PNKP: variants seen among roughly 807,000 people sequenced by gnomAD.
PNKP encodes bifunctional polynucleotide phosphatase/kinase.
A neutral mutation model predicts 66.2 loss-of-function variants in PNKP; 82 were observed. The observed-to-expected ratio is 1.24, with a 90% CI of 1.04 to 1.49. PNKP has a LOEUF of 1.49. Ranked by LOEUF, PNKP falls within the 40% of genes most tolerant of loss-of-function variation. The pLI is 0.00. For missense variants in PNKP, 907 were observed against 706.8 expected (o/e 1.28, Z -3.21); for synonymous variants, 412 against 298.9 (o/e 1.38, Z -3.90).
chr19:49,862,046 T>G lies in PNKP; in HGVS notation c.1186A>C (p.Arg396=). Residue 396 remains arginine, a splice_region_variant and synonymous_variant, in exon 13 of 17, where the codon AGG becomes CGG. Transcript: ENST00000322344. ...GGGCGGCAAAAGCCTGGTCATACCCTGTTCACGTGGACATATCCGGCCGAC... is the reference window on the plus strand; with the variant it reads ...GGGCGGCAAAAGCCTGGTCATACCCGGTTCACGTGGACATATCCGGCCGAC... ...LVSAGYVHVN[R]DTLGSWQRCV... 6.2e-7 allele frequency: 1 copy of G among 1,614,114 alleles called. No homozygotes were observed. Among genetic ancestry groups the G allele is most frequent in the Non-Finnish European group, 8.5e-7 (1 of 1,179,982 alleles).
At chr19:49,864,429 A>G in intron 4 of PNKP, 26 bp from the exon 5 acceptor site, 6 of 1,568,896 alleles carry the variant, frequency 3.8e-6, no homozygotes, top group Non-Finnish European at 5.3e-6. Flanking sequence ...AAAGACAAAC[A>G]GCAGCACTGT....
rs2074812109 is a variant in PNKP, at chr19:49,865,511, C to T, written c.199-85G>A. The stretch of plus-strand genomic sequence containing the variant: ...TCAAATACCCAGCGGAAAAATCAGC[C>T]CTTCTCCACCACTATCAGACCCTTA... On this transcript the variant is annotated intron_variant, in intron 3 of 16. Transcript: ENST00000322344. The T allele has an allele frequency of 6.4e-5, 59 of 924,964 alleles. No homozygotes were observed. In the East Asian group the frequency reaches 1.5e-3, roughly 23 times the overall value. 57.3% of individuals were successfully genotyped at this position (924,964 alleles called of 1,614,324 possible). A position where few individuals can be genotyped will look rare whatever the true frequency, so the allele number is the denominator to read the frequency against.
At position 49,862,732 on chromosome 19, in the gene PNKP, C is replaced by G; in HGVS notation, c.823G>C (p.Asp275His). The G allele has an allele frequency of 1.2e-6, 2 of 1,614,090 alleles. No individual in the cohort carries two copies. The highest frequency in any genetic ancestry group is 1.7e-6 in the Non-Finnish European group (2 of 1,179,970). ...MWDHLQEQAN[D>H]GTPISIGDSI... ...TCCCCGATGGATATGGGCGTGCCGTCGTTGGCCTACGGGAGACGGTAGTGA... is the reference window on the plus strand; with the variant it reads ...TCCCCGATGGATATGGGCGTGCCGTGGTTGGCCTACGGGAGACGGTAGTGA... The change falls in exon 9 of 17, where the codon GAC becomes CAC. Residue 275 changes from aspartate (D) to histidine (H), a missense_variant. Coordinates refer to ENST00000322344, the MANE Select transcript of PNKP (RefSeq NM_007254.4).
rs1181939652 is a variant in PNKP, at chr19:49,864,352, C to A, written c.550G>T (p.Val184Phe). 6.2e-7 allele frequency: 1 copy of A among 1,614,090 alleles called. No individual in the cohort carries two copies. The highest frequency in any genetic ancestry group is 2.2e-5 in the East Asian group (1 of 44,892). Residue 184 changes from valine (V) to phenylalanine (F), a missense_variant, in exon 5 of 17, where the codon GTC (valine) becomes TTC (phenylalanine). Transcript: ENST00000322344. Reference sequence around the variant, plus strand: ...CAGTCACTGGGGCCAGTGGGAAAGACCTTCCCAGAGCGTGTGGTGATGAGC... The same window carrying A: ...CAGTCACTGGGGCCAGTGGGAAAGAACTTCCCAGAGCGTGTGGTGATGAGC... Reference protein sequence around the residue: ...GTLITTRSGKVFPTGPSDWRI... With the variant: ...GTLITTRSGKFFPTGPSDWRI...
Position 49,867,237 on chromosome 19 carries a change from G to C in PNKP, c.-13-20C>G. On this transcript the variant is annotated intron_variant, in intron 1 of 16. Coordinates refer to ENST00000322344, the MANE Select transcript of PNKP (RefSeq NM_007254.4). The stretch of plus-strand genomic sequence containing the variant: ...GCCGGCCTGGGGAGCAGGTAAACGG[G>C]CTTGAGCGGCGCACAGCCCCAATTT... 1 of 1,589,886 alleles carries C rather than the reference G, an allele frequency of 6.3e-7. No individual in the cohort carries two copies. The highest frequency in any genetic ancestry group is 2.0e-4 in the Middle Eastern group (1 of 4,894).
intron 1 of PNKP, 89 bp from the exon 2 acceptor site, chr19:49,867,306 C>A: frequency 7.4e-7 from 1 of 1,357,700 alleles, no homozygotes; most frequent in Non-Finnish European, 1.0e-6. Flanking sequence ...TAGAAAGTTT[C>A]CCCACCATTA....
Position 49,863,950 on chromosome 19 carries a change from C to A in PNKP, c.744+14G>T. On this transcript the variant is annotated intron_variant, in intron 7 of 16. Coordinates refer to ENST00000322344, the MANE Select transcript of PNKP (RefSeq NM_007254.4). ...GTGCCCCCACATAGCTCCCAGCCTC[C>A]CTTCCAGCCATACCTGGAAGGGGAC... The A allele has an allele frequency of 6.3e-7, 1 of 1,594,216 alleles. No individual in the cohort carries two copies.
chr19:49,866,896 A>G, intron 2 of PNKP, 158 bp downstream of exon 2: 1 of 798,654 alleles, frequency 1.3e-6, no homozygotes, highest in South Asian at 1.4e-5. Context: ...CTAATTCTAA[A>G]TCAAGCACAA....
chr19:49,861,785 C>T lies in PNKP; in HGVS notation c.1285G>A (p.Ala429Thr), dbSNP rs148386689. The T allele has an allele frequency of 5.1e-6, 8 of 1,565,978 alleles. No homozygotes were observed. The African/African-American group carries it at 5.5e-5, about 11-fold the overall frequency. Residue 429 changes from alanine to threonine, a missense_variant, in exon 14 of 17, where the codon GCG (alanine) becomes ACG (threonine). By Grantham distance (58) the Ala-to-Thr change is moderately conservative (BLOSUM62 0). Transcript: ENST00000322344. ...VAIDNTNPDAASRARYVQCAR... is the reference protein window; with the variant it reads ...VAIDNTNPDATSRARYVQCAR... ...CGGTCACGCTACCTGGCGCGGCTCG[C>T]GGCGTCTGGGTTTGTGTTGTCGATG...
chr19:49,863,174 T>C (rs2074792273), intron 8 of PNKP, among the ~76,000 whole-genome samples: 1 of 152,192 alleles, frequency 6.6e-6, no homozygotes, highest in South Asian at 2.1e-4. Flanking sequence ...CCTTTGCACT[T>C]GCTGTCACTC....
chr19:49,862,002 G>A (rs774790818), intron 13 of PNKP, 42 bp downstream of exon 13: 2 of 1,609,824 alleles, frequency 1.2e-6, no homozygotes, highest in African/African-American at 2.7e-5. Flanking sequence ...GTGGAGATGG[G>A]AACTTTATAA....
chr19:49,866,152 A>G, intron 3 of PNKP: 1 of 533,030 alleles, frequency 1.9e-6, no homozygotes, highest in African/African-American at 1.9e-5. Context: ...AGGAACTACA[A>G]GGACGCGCCA....
At chr19:49,866,554 A>G (rs752608729) in intron 2 of PNKP, 109 bp from the exon 3 acceptor site, 52 of 1,032,594 alleles carry the variant, frequency 5.0e-5, no homozygotes, top group Non-Finnish European at 7.2e-5. Flanking sequence ...AGTAAGAGGC[A>G]GTTTATTTCT....
At chr19:49,863,797 C>T (rs774146240) in intron 7 of PNKP, 37 bp from the exon 8 acceptor site, 57 of 1,531,670 alleles carry the variant, frequency 3.7e-5, no homozygotes, top group South Asian at 6.0e-5. Context: ...TTAGCTCCCC[C>T]TCAAGCACCT....
Position 49,867,078 on chromosome 19 carries a change from C to G in PNKP, c.127G>C (p.Asp43His). Residue 43 changes from aspartate (D) to histidine (H), a missense_variant, in exon 2 of 17, where the codon GAC (aspartate) becomes CAC (histidine). Physicochemically the swap from Asp to His is moderately conservative, Grantham distance 81. Coordinates refer to ENST00000322344, the MANE Select transcript of PNKP (RefSeq NM_007254.4). ...CCTTGAGTTCTGGAGCACTTCCGGTCCGTAACCTGGGTCAGGGGTCCCCTG... is the reference window on the plus strand; with the variant it reads ...CCTTGAGTTCTGGAGCACTTCCGGTGCGTAACCTGGGTCAGGGGTCCCCTG... ...LGRGPLTQVT[D>H]RKCSRTQVEL... 6.2e-7 allele frequency: 1 copy of G among 1,613,972 alleles called. No individual in the cohort carries two copies. Among genetic ancestry groups the G allele is most frequent in the Non-Finnish European group, 8.5e-7 (1 of 1,180,016 alleles).
At position 49,864,083 on chromosome 19, in the gene PNKP, AG is replaced by A. The variant is rs754413273; in HGVS notation, c.637-13del. 62 of 1,612,978 alleles carry A rather than the reference AG, an allele frequency of 3.8e-5. 1 individual carries two copies. The African/African-American group carries it at 6.8e-4, about 18-fold the overall frequency. Reference sequence around the variant, plus strand: ...GTGAAGATCACCAGCTGGGGAGCAAAGGGTGTCACCAGACGCTCTGCTCACC... The same window carrying A: ...GTGAAGATCACCAGCTGGGGAGCAAAGGTGTCACCAGACGCTCTGCTCACC... On this transcript the variant is annotated splice_polypyrimidine_tract_variant and intron_variant, in intron 6 of 16. Transcript: ENST00000322344.
At chr19:49,862,316 CCCCATCCCCGGGAGCCCT>C in intron 11 of PNKP, 35 bp from the exon 12 acceptor site, 1 of 1,544,950 alleles carries the variant, frequency 6.5e-7, no homozygotes, top group Non-Finnish European at 8.8e-7. Context: ...GAGATGCCGT[CCCCATCCCCGGGAGCCCT>C]CCCATCCCCA....
intron 8 of PNKP, among the ~76,000 whole-genome samples, chr19:49,863,017 C>T (rs3739196): frequency 3.9e-5 from 6 of 152,132 alleles, no homozygotes; most frequent in East Asian, 1.9e-4. Context: ...CTCCAGCCTC[C>T]GGCGTGCCGG....
chr19:49,867,462 T>G lies in PNKP; in HGVS notation c.-14+7A>C. On this transcript the variant is annotated splice_region_variant and intron_variant, in intron 1 of 16. Transcript: ENST00000322344. ...TCGCACATGCCTCCGCCCCGCCCCG[T>G]ACTCACCCGGGACCGCGGCTTGGGC... 3.7e-6 allele frequency: 2 copies of G among 544,454 alleles called. No individual in the cohort carries two copies. The highest frequency in any genetic ancestry group is 3.1e-5 in the East Asian group (1 of 31,756). The allele number at this position is 544,454 out of a possible 1,614,324, so 33.7% of individuals were successfully genotyped here.
Sources: gnomAD v4.1 joint callset for allele counts (sites outside exome capture counted in the v4.1 genomes callset) on GRCh38, gnomAD v4.1.1 for gene constraint, MANE v1.5 for transcripts, NCBI Gene and HGNC (gene_info 2026-07-23, HGNC 2026-07-21) for gene names.